Variants in ARL13B observed in about 807,000 individuals in gnomAD.
The protein encoded by ARL13B is ADP-ribosylation factor-like protein 13B.
Under a neutral mutation model 56.1 loss-of-function variants are expected in ARL13B, and 36 were observed. That is an observed-to-expected ratio of 0.64 (90% CI 0.49 to 0.85). The LOEUF (loss-of-function observed/expected upper bound fraction) is 0.85, where lower values mean the gene tolerates loss of function less well. Ranked by LOEUF, ARL13B falls within the 40% of genes least tolerant of loss-of-function variation. The pLI is 0.00. For missense variants in ARL13B, 519 were observed against 507.1 expected, an observed-to-expected ratio of 1.02 and a Z score of -0.23; for synonymous variants, 178 against 171.1, an observed-to-expected ratio of 1.04 and a Z score of -0.32.
In ARL13B at chr3:94,013,720, C is replaced by T. The variant is rs188981523; in HGVS notation, c.380+9812C>T. On this transcript the variant is annotated intron_variant, in intron 3 of 9. Transcript: ENST00000394222. ...CAACACTTTGGGAGGCCCAGGGGGG[C>T]GGATCACTGGAGGTCAGGAATTTGA... Among the ~76,000 whole-genome samples the T allele has an allele frequency of 1.7e-3, 258 of 152,180 alleles. 2 individuals are homozygous for T. The highest frequency in any genetic ancestry group is 8.9e-3 in the Admixed American group (136 of 15,272).
At position 94,003,798 on chromosome 3, in the gene ARL13B, TG is replaced by T. The variant is rs1159609485; in HGVS notation, c.274del (p.Val92Ter). 1.2e-6 allele frequency: 2 copies of T among 1,613,692 alleles called. No homozygotes were observed. The highest frequency in any genetic ancestry group is 1.1e-5 in the South Asian group (1 of 91,070). ...GGAAGAATTACTATGCTGAATCCTA[TG>T]GGGTAATATTTGTTGTGGATTCCAG... ...IWKNYYAESY[G>X]VIFVVDSSDE... On this transcript the variant is annotated frameshift_variant, in exon 3 of 10. Coordinates refer to ENST00000394222, the MANE Select transcript of ARL13B (RefSeq NM_001174150.2). LOFTEE classifies it high-confidence loss of function.
At chr3:94,029,338 A>ATTTATT (rs2076627098) in intron 3 of ARL13B, among the ~76,000 whole-genome samples, 2 of 59,022 alleles carry the variant, frequency 3.4e-5, no homozygotes, top group African/African-American at 6.6e-5. Context: ...ATATATATTT[A>ATTTATT]TTTTTTTTTT....
At chr3:94,022,794 T>C (rs547033000) in intron 3 of ARL13B, among the ~76,000 whole-genome samples, 2 of 152,138 alleles carry the variant, frequency 1.3e-5, no homozygotes, top group Admixed American at 6.5e-5. Context: ...AGTAAATACA[T>C]CCATGTAACT....
At chr3:94,026,383 ATCTT>A in intron 3 of ARL13B, among the ~76,000 whole-genome samples, 1 of 152,222 alleles carries the variant, frequency 6.6e-6, no homozygotes, top group Non-Finnish European at 1.5e-5. Context: ...ACAGTTGCTT[ATCTT>A]TATAGAATTA....
chr3:94,014,449 TA>T, intron 3 of ARL13B: 1 of 1,598,200 alleles, frequency 6.3e-7, no homozygotes, highest in Non-Finnish European at 8.5e-7. Context: ...TCTTTTTTTG[TA>T]TTTTACAGCT....
Position 94,055,209 on chromosome 3 carries a change from G to A in ARL13B, c.*1946G>A, listed in dbSNP as rs920556120. 6 of 391,922 alleles carry A rather than the reference G, an allele frequency of 1.5e-5. No homozygotes were observed. Among genetic ancestry groups the A allele is most frequent in the African/African-American group, 1.3e-4 (6 of 47,198 alleles). The allele number at this position is 391,922 out of a possible 1,614,324, so 24.3% of individuals were successfully genotyped here. ...ATTTTAACAATTAAATGCCTATTTT[G>A]TTATATGTTATACTTTTATTCTTAA... On this transcript the variant is annotated 3_prime_UTR_variant, in exon 10 of 10. Coordinates refer to ENST00000394222, the MANE Select transcript of ARL13B (RefSeq NM_001174150.2).
At chr3:94,014,856 A>G (rs1358144516) in intron 3 of ARL13B, 2 of 1,614,066 alleles carry the variant, frequency 1.2e-6, no homozygotes, top group Non-Finnish European at 1.7e-6. Context: ...GGAACATTGC[A>G]GCATGCTGAG....
chr3:94,027,626 T>G (rs2076584958), intron 3 of ARL13B, among the ~76,000 whole-genome samples: 1 of 152,114 alleles, frequency 6.6e-6, no homozygotes, highest in Non-Finnish European at 1.5e-5. Flanking sequence ...TTATTTTGAT[T>G]TGAAATGGAA....
intron 3 of ARL13B, among the ~76,000 whole-genome samples, chr3:94,019,055 C>T (rs908396330): frequency 2.6e-5 from 4 of 152,168 alleles, no homozygotes; most frequent in Admixed American, 6.5e-5. Context: ...TGTGAGCCAC[C>T]GCGCCTGGCT....
intron 3 of ARL13B, among the ~76,000 whole-genome samples, chr3:94,009,461 G>A (rs1482458179): frequency 1.3e-5 from 2 of 151,906 alleles, no homozygotes; most frequent in Middle Eastern, 3.2e-3. Context: ...AGTTAAATAG[G>A]TTATGGTTAT....
chr3:94,017,661 A>G (rs974062728), intron 3 of ARL13B, among the ~76,000 whole-genome samples: 34 of 152,316 alleles, frequency 2.2e-4, no homozygotes, highest in Admixed American at 2.2e-3. Flanking sequence ...ACAATATACA[A>G]TTTAAAAGAT....
chr3:93,980,276 G>A lies in ARL13B; in HGVS notation c.-148G>A. 2.9e-6 allele frequency: 3 copies of A among 1,028,182 alleles called. No individual in the cohort carries two copies. Among genetic ancestry groups the A allele is most frequent in the Non-Finnish European group, 4.4e-6 (3 of 676,680 alleles). 63.7% of individuals were successfully genotyped at this position (1,028,182 alleles called of 1,614,324 possible). ...CGCGGTTAGCAAGGCTTAGTGCTCG[G>A]GCCGGCCGCCTTCACTTCCCTCCCG... On this transcript the variant is annotated 5_prime_UTR_variant, in exon 1 of 10. Transcript: ENST00000394222.
At chr3:93,989,656 C>T (rs2075833354) in intron 1 of ARL13B, among the ~76,000 whole-genome samples, 1 of 151,712 alleles carries the variant, frequency 6.6e-6, no homozygotes, top group Non-Finnish European at 1.5e-5. Context: ...TTCATTATAT[C>T]CCTTTAGAGT....
rs1024131238 is a variant in ARL13B at position 93,980,595 on chromosome 3, G to A, written c.59+113G>A. On this transcript the variant is annotated intron_variant, in intron 1 of 9. Coordinates refer to ENST00000394222, the MANE Select transcript of ARL13B (RefSeq NM_001174150.2). ...GACGAGTCTATCCCAGGCCGCAAGGGATGCTTTCATTCCCAGGGTGTCCCG... is the reference window on the plus strand; with the variant it reads ...GACGAGTCTATCCCAGGCCGCAAGGAATGCTTTCATTCCCAGGGTGTCCCG... 6.8e-5 allele frequency: 91 copies of A among 1,330,376 alleles called. No individual in the cohort carries two copies. In the African/African-American group the frequency reaches 1.3e-3, roughly 19 times the overall value. 82.4% of individuals were successfully genotyped at this position (1,330,376 alleles called of 1,614,324 possible). A position where few individuals can be genotyped will look rare whatever the true frequency, so the allele number is the denominator to read the frequency against.
chr3:94,000,401 T>TC (rs373465286), intron 2 of ARL13B, among the ~76,000 whole-genome samples: 5,157 of 152,132 alleles, frequency 0.034, 287 homozygotes, highest in African/African-American at 0.12. Flanking sequence ...TAAAAAAAAA[T>TC]CTAGGATTCT....
rs575586101 is a variant in ARL13B, at chr3:93,986,013, C to G, written c.59+5531C>G. Among the ~76,000 whole-genome samples the G allele has an allele frequency of 6.2e-4, 95 of 152,254 alleles. No individual in the cohort carries two copies. The South Asian group carries it at 0.016, about 25-fold the overall frequency. On this transcript the variant is annotated intron_variant, in intron 1 of 9. Transcript: ENST00000394222. ...AATAAATATAACTGTAAATCTAGAC[C>G]ATTTATAGAAATTGCTGAGTTCTTA... is the stretch of plus-strand genomic sequence containing the variant.
intron 3 of ARL13B, among the ~76,000 whole-genome samples, chr3:94,030,479 A>C (rs1442358296): frequency 6.7e-6 from 1 of 149,778 alleles, no homozygotes; most frequent in Non-Finnish European, 1.5e-5. Context: ...TGATCCACCC[A>C]CATTGGCCTC....
chr3:94,015,095 C>T (rs749663559), intron 3 of ARL13B: 2 of 1,613,692 alleles, frequency 1.2e-6, no homozygotes, highest in South Asian at 1.1e-5. Context: ...TTAATACTTT[C>T]CTGTAGTTTT....
chr3:94,037,383 C>T (rs986683189), intron 5 of ARL13B, among the ~76,000 whole-genome samples: 6 of 152,108 alleles, frequency 3.9e-5, no homozygotes, highest in African/African-American at 1.4e-4. Context: ...GAACTCACTA[C>T]CCTTGGTGAC....
Sources: gnomAD v4.1 joint callset for allele counts (sites outside exome capture counted in the v4.1 genomes callset) on GRCh38, gnomAD v4.1.1 for gene constraint, MANE v1.5 for transcripts, NCBI Gene and HGNC (gene_info 2026-07-23, HGNC 2026-07-21) for gene names.